ATAD2: variants seen among roughly 807,000 people sequenced by gnomAD.
The protein encoded by ATAD2 is ATPase family AAA domain-containing protein 2.
ATAD2 carries 62 observed loss-of-function variants against 168.9 expected under a neutral mutation model. The ratio of observed to expected loss-of-function variants is 0.37; its 90% CI spans 0.30 to 0.45. ATAD2 has a LOEUF of 0.45. Ranked by LOEUF, ATAD2 falls within the 20% of genes least tolerant of loss-of-function variation. The pLI is 1.00. For missense variants in ATAD2, 1,419 were observed against 1,667.8 expected (o/e 0.85, Z 2.60); for synonymous variants, 613 against 571.6 (o/e 1.07, Z -1.03).
chr8:123,387,872 G>T (rs151006769), intron 1 of ATAD2, among the ~76,000 whole-genome samples: 7 of 152,112 alleles, frequency 4.6e-5, no homozygotes, highest in Admixed American at 6.5e-5. Context: ...GCATGTTTGG[G>T]GGGGAGGTCA....
At chr8:123,382,227 C>A (rs1002764430) in intron 1 of ATAD2, among the ~76,000 whole-genome samples, 1 of 152,054 alleles carries the variant, frequency 6.6e-6, no homozygotes, top group Non-Finnish European at 1.5e-5. Flanking sequence ...ACTCTATTGT[C>A]GAATGTTGTT....
chr8:123,349,308 G>A lies in ATAD2; in HGVS notation c.1783C>T (p.Leu595Phe). The A allele has an allele frequency of 6.2e-7, 1 of 1,613,844 alleles. No homozygotes were observed. The highest frequency in any genetic ancestry group is 8.5e-7 in the Non-Finnish European group (1 of 1,179,968). ...RRPGRFDREF[L>F]FSLPDKEARK... ...ACCTCTTTATCAGGCAGGCTAAAGA[G>A]GAATTCTCTATCAAAGCGACCAGGC... The change falls in exon 14 of 28, where the codon CTC (leucine) becomes TTC (phenylalanine). Residue 595 changes from leucine (L) to phenylalanine (F), a missense_variant. Physicochemically the swap from Leu to Phe is conservative, Grantham distance 22. Transcript: ENST00000287394.
At chr8:123,330,147 C>T (rs963381913) in intron 24 of ATAD2, among the ~76,000 whole-genome samples, 8 of 151,990 alleles carry the variant, frequency 5.3e-5, no homozygotes, top group African/African-American at 1.9e-4. Context: ...TGCCACCATG[C>T]CTGGCCAGTG....
In ATAD2 at chr8:123,349,335, T is replaced by G. The variant is rs1158543018; in HGVS notation, c.1756A>C (p.Arg586=). The G allele has an allele frequency of 1.2e-6, 2 of 1,614,092 alleles. No individual in the cohort carries two copies. The highest frequency in any genetic ancestry group is 1.7e-6 in the Non-Finnish European group (2 of 1,180,010). Residue 586 remains arginine (R), a synonymous_variant, in exon 14 of 28, where the codon AGG becomes CGG. Transcript: ENST00000287394. ...RLDSIDPALR[R]PGRFDREFLF... is the part of the protein sequence containing the mutation. ...AATTCTCTATCAAAGCGACCAGGCCTTCGTAAAGCAGGATCTATAGAATCT... is the reference window on the plus strand; with the variant it reads ...AATTCTCTATCAAAGCGACCAGGCCGTCGTAAAGCAGGATCTATAGAATCT...
At chr8:123,373,127 C>T (rs1297989223) in intron 2 of ATAD2, among the ~76,000 whole-genome samples, 5 of 151,644 alleles carry the variant, frequency 3.3e-5, no homozygotes, top group Non-Finnish European at 7.4e-5. Flanking sequence ...CTCCTGACCT[C>T]ATGATCTGCC....
rs539981908 is a variant in ATAD2, at chr8:123,369,945, G to GTCATCATCA, written c.798_806dup (p.Asp275_Asp277dup). 1.3e-6 allele frequency: 2 copies of GTCATCATCA among 1,497,660 alleles called. No individual in the cohort carries two copies. Among genetic ancestry groups the GTCATCATCA allele is most frequent in the East Asian group, 2.3e-5 (1 of 42,816 alleles). 92.8% of individuals were successfully genotyped at this position (1,497,660 alleles called of 1,614,324 possible). On this transcript the variant is annotated inframe_insertion, in exon 7 of 28. Transcript: ENST00000287394. Reference sequence around the variant, plus strand: ...CATCATCATCATCATCATCATCATCGTCATCATCATCATCATCTTCATCAT... The same window carrying GTCATCATCA: ...CATCATCATCATCATCATCATCATCGTCATCATCATCATCATCATCATCATCTTCATCAT...
chr8:123,356,506 T>C lies in ATAD2; in HGVS notation c.1558-29A>G, dbSNP rs770862218. On this transcript the variant is annotated intron_variant, in intron 12 of 27. Transcript: ENST00000287394. ...GAAAGTAGGTGGAGTGGTCATTTGT[T>C]AGCATAAACAGCCTCAAACACGTAG... is the stretch of plus-strand genomic sequence containing the variant. The C allele has an allele frequency of 2.0e-6, 3 of 1,538,404 alleles. No homozygotes were observed. In the Admixed American group the frequency reaches 5.1e-5, roughly 26 times the overall value.
In ATAD2 at chr8:123,328,568, T is replaced by C. The variant is rs773328063; in HGVS notation, c.3490A>G (p.Arg1164Gly). The change falls in exon 25 of 28, where the codon AGG becomes GGG. Residue 1164 changes from arginine to glycine, a missense_variant. Transcript: ENST00000287394. ...CAGTTTGACTTTTTGCGAATTTTCCTCTTCAACTGAGCTTCAAGAAATTTA... is the reference window on the plus strand; with the variant it reads ...CAGTTTGACTTTTTGCGAATTTTCCCCTTCAACTGAGCTTCAAGAAATTTA... ...VACSTPAQLKRKIRKKSNWYL... is the reference protein window; with the variant it reads ...VACSTPAQLKGKIRKKSNWYL... 5 of 1,526,320 alleles carry C rather than the reference T, an allele frequency of 3.3e-6. No homozygotes were observed. The East Asian group carries it at 1.2e-4, about 35-fold the overall frequency. The allele number at this position is 1,526,320 out of a possible 1,614,324, so 94.5% of individuals were successfully genotyped here. A position where few individuals can be genotyped will look rare whatever the true frequency, so the allele number is the denominator to read the frequency against.
At chr8:123,371,883 G>A in intron 3 of ATAD2, 48 bp from the exon 4 acceptor site, 1 of 1,405,026 alleles carries the variant, frequency 7.1e-7, no homozygotes, top group Non-Finnish European at 9.4e-7. Context: ...TGAAATAATA[G>A]TATTTATAAA....
At chr8:123,363,408 T>G (rs1013479839) in intron 8 of ATAD2, among the ~76,000 whole-genome samples, 1 of 152,212 alleles carries the variant, frequency 6.6e-6, no homozygotes, top group Non-Finnish European at 1.5e-5. Context: ...ACTACATATG[T>G]TGTGTGTTAT....
chr8:123,390,045 C>T (rs1275919520), intron 1 of ATAD2, among the ~76,000 whole-genome samples: 1 of 146,872 alleles, frequency 6.8e-6, no homozygotes, highest in Non-Finnish European at 1.5e-5. Flanking sequence ...ATGGCGCAAT[C>T]TCGGCTCACT....
intron 1 of ATAD2, among the ~76,000 whole-genome samples, chr8:123,393,044 C>T (rs542646076): frequency 2.1e-4 from 32 of 152,074 alleles, no homozygotes; most frequent in African/African-American, 5.8e-4. Context: ...ATTAGCCAGG[C>T]GTGTTGGCGG....
chr8:123,406,929 T>TACA (rs1813076001), intron 1 of ATAD2, among the ~76,000 whole-genome samples: 11 of 152,130 alleles, frequency 7.2e-5, no homozygotes, highest in Admixed American at 7.2e-4. Context: ...GTGATCTGAT[T>TACA]TGGAAATAGG....
chr8:123,349,423 T>C lies in ATAD2; in HGVS notation c.1668A>G (p.Leu556=). ...QIHSSIVSTL[L]ALMDGLDSRG... Reference sequence around the variant, plus strand: ...TGCTGTCCAATCCATCCATAAGAGCTAGCAGGGTGGAAACAATAGAACTAA... The same window carrying C: ...TGCTGTCCAATCCATCCATAAGAGCCAGCAGGGTGGAAACAATAGAACTAA... Residue 556 remains leucine (L), a synonymous_variant, in exon 14 of 28, where the codon CTA becomes CTG. Coordinates refer to ENST00000287394, the MANE Select transcript of ATAD2 (RefSeq NM_014109.4). 6.2e-7 allele frequency: 1 copy of C among 1,613,956 alleles called. No homozygotes were observed. The highest frequency in any genetic ancestry group is 8.5e-7 in the Non-Finnish European group (1 of 1,179,948).
In ATAD2 at chr8:123,348,277, T is replaced by C. The variant is rs1828318910; in HGVS notation, c.1807-4A>G. 6.4e-7 allele frequency: 1 copy of C among 1,565,938 alleles called. No individual in the cohort carries two copies. Among genetic ancestry groups the C allele is most frequent in the African/African-American group, 1.4e-5 (1 of 72,722 alleles). On this transcript the variant is annotated splice_region_variant and splice_polypyrimidine_tract_variant and intron_variant, in intron 14 of 27. Transcript: ENST00000287394. ...TCTTTAGAATCTCTTTTCGAGCCTA[T>C]GAATAAAAACAATTTAATTTTTTAC...
upstream of ATAD2, chr8:123,401,160 A>T: frequency 9.5e-7 from 1 of 1,047,968 alleles, no homozygotes; most frequent in Non-Finnish European, 1.5e-6. Context: ...TGATGTTGAA[A>T]GAGGCAAATG....
intron 1 of ATAD2, among the ~76,000 whole-genome samples, chr8:123,383,241 C>T (rs1001231034): frequency 9.2e-5 from 14 of 151,898 alleles, no homozygotes; most frequent in African/African-American, 2.7e-4. Context: ...AAATACCTAA[C>T]GTAGATGACA....
At chr8:123,399,835 CAA>C (rs1479478135), upstream of ATAD2, among the ~76,000 whole-genome samples, 1 of 149,812 alleles carries the variant, frequency 6.7e-6, no homozygotes, top group Non-Finnish European at 1.5e-5. Context: ...GCTTGGGCAA[CAA>C]GAGCGAAACT....
chr8:123,369,096 G>C lies in ATAD2; in HGVS notation c.1011C>G (p.Ser337=), dbSNP rs201958673. ...TACAGTAAGGACTTCTTGGTCCTGC[G>C]GAAGATAATCGGTATCTTGGTCTTG... ...SPARPRYRLS[S]AGPRSPYCKR... is the part of the protein sequence containing the mutation. The change falls in exon 8 of 28, where the codon TCC becomes TCG. Residue 337 remains serine (S), a synonymous_variant. Transcript: ENST00000287394. 3 of 1,596,078 alleles carry C rather than the reference G, an allele frequency of 1.9e-6. No homozygotes were observed. The highest frequency in any genetic ancestry group is 1.7e-6 in the Non-Finnish European group (2 of 1,168,412).
Sources: gnomAD v4.1 joint callset for allele counts (sites outside exome capture counted in the v4.1 genomes callset) on GRCh38, gnomAD v4.1.1 for gene constraint, MANE v1.5 for transcripts, NCBI Gene and HGNC (gene_info 2026-07-23, HGNC 2026-07-21) for gene names.